Variants in FRMD5 observed in about 807,000 individuals in gnomAD.
FRMD5 encodes the protein FERM domain-containing protein 5.
FRMD5 carries 20 observed loss-of-function variants against 69.0 expected under a neutral mutation model. That is an observed-to-expected ratio of 0.29 (90% CI 0.20 to 0.42). FRMD5 has a LOEUF of 0.42. Ranked by LOEUF, FRMD5 falls within the 10% of genes least tolerant of loss-of-function variation. The probability of loss-of-function intolerance (pLI) is 1.00; values close to 1 mark genes in which losing one functional copy is unlikely to be tolerated. For synonymous variants in FRMD5, 271 were observed against 260.1 expected (o/e 1.04, Z -0.40); for missense variants, 595 against 708.6 (o/e 0.84, Z 1.82).
At chr15:43,961,854 AC>A (rs1386914268) in intron 1 of FRMD5, among the ~76,000 whole-genome samples, 5 of 151,572 alleles carry the variant, frequency 3.3e-5, no homozygotes, top group African/African-American at 7.3e-5. Flanking sequence ...AAATTCAACA[AC>A]CCTTCATGCT....
intron 1 of FRMD5, among the ~76,000 whole-genome samples, chr15:44,034,402 TG>T (rs1891819789): frequency 6.6e-6 from 1 of 152,234 alleles, no homozygotes; most frequent in South Asian, 2.1e-4. Context: ...GTAATACCCA[TG>T]TGTTGTCTTT....
intron 1 of FRMD5, among the ~76,000 whole-genome samples, chr15:43,956,594 T>C (rs995029755): frequency 1.3e-5 from 2 of 152,246 alleles, no homozygotes. Flanking sequence ...ATTCAGTCTA[T>C]GACCCTGCTC....
At chr15:44,173,986 G>A (rs750432389) in intron 1 of FRMD5, among the ~76,000 whole-genome samples, 3 of 151,866 alleles carry the variant, frequency 2.0e-5, no homozygotes, top group Non-Finnish European at 4.4e-5. Flanking sequence ...CAGAAGTTAG[G>A]TGACTCATTC....
intron 1 of FRMD5, among the ~76,000 whole-genome samples, chr15:44,095,828 G>A (rs1035526172): frequency 4.6e-5 from 7 of 152,026 alleles, no homozygotes; most frequent in Non-Finnish European, 4.4e-5. Flanking sequence ...GCACTCAAAG[G>A]CATGCCTGAC....
rs150909189 is a variant in FRMD5 at position 43,962,815 on chromosome 15, C to A, written c.103-38506G>T. Reference sequence around the variant, plus strand: ...AAACAAGCAATGGGGAAAGGATTCCCTATTTAATAGATGGTGGTGGGAAAA... The same window carrying A: ...AAACAAGCAATGGGGAAAGGATTCCATATTTAATAGATGGTGGTGGGAAAA... On this transcript the variant is annotated intron_variant, in intron 1 of 13. Transcript: ENST00000417257. 4.5e-3 allele frequency among the ~76,000 whole-genome samples: 687 copies of A among 152,290 alleles called. 8 individuals are homozygous for A. The highest frequency in any genetic ancestry group is 0.016 in the African/African-American group (653 of 41,566).
chr15:44,068,180 G>A (rs1175554457), intron 1 of FRMD5, among the ~76,000 whole-genome samples: 1 of 152,192 alleles, frequency 6.6e-6, no homozygotes, highest in Non-Finnish European at 1.5e-5. Flanking sequence ...GAAACAGTTT[G>A]GCAGTTTCTC....
intron 1 of FRMD5, among the ~76,000 whole-genome samples, chr15:43,950,805 C>T (rs939893596): frequency 1.3e-5 from 2 of 152,152 alleles, no homozygotes; most frequent in African/African-American, 2.4e-5. Context: ...TTTTAATAAC[C>T]GGAGAGGCTG....
Position 43,909,896 on chromosome 15 carries a change from G to A in FRMD5, c.413C>T (p.Ala138Val). ...AAAGTCATTACCTTGAAGGATGTAA[G>A]CTGCTAACAAGGCAGCATCCGATGT... ...CKTSDAALLAAYILQAEIGDY... is the reference protein window; with the variant it reads ...CKTSDAALLAVYILQAEIGDY... Residue 138 changes from alanine (A) to valine (V), a missense_variant, in exon 5 of 14, where the codon GCT becomes GTT. Ala to Val is a moderately conservative substitution (Grantham distance 64). Around this residue, in one of 5 missense-constraint regions of FRMD5, gnomAD observed 79 missense variants for 139.9 expected, o/e 0.56. Coordinates refer to ENST00000417257, the MANE Select transcript of FRMD5 (RefSeq NM_032892.5). 6.2e-7 allele frequency: 1 copy of A among 1,609,882 alleles called. No homozygotes were observed. The highest frequency in any genetic ancestry group is 8.5e-7 in the Non-Finnish European group (1 of 1,176,452).
intron 1 of FRMD5, among the ~76,000 whole-genome samples, chr15:44,109,859 A>C (rs1364732320): frequency 6.6e-6 from 1 of 152,172 alleles, no homozygotes; most frequent in Non-Finnish European, 1.5e-5. Context: ...TACTGTCTCA[A>C]TAGTTTTTCC....
At chr15:43,969,236 C>A (rs948570898) in intron 1 of FRMD5, among the ~76,000 whole-genome samples, 1 of 151,958 alleles carries the variant, frequency 6.6e-6, no homozygotes, top group Admixed American at 6.6e-5. Context: ...CGTACACCAC[C>A]ACATCCATGT....
intron 10 of FRMD5, among the ~76,000 whole-genome samples, chr15:43,886,141 C>T (rs976112899): frequency 6.6e-6 from 1 of 152,186 alleles, no homozygotes; most frequent in African/African-American, 2.4e-5. Flanking sequence ...ATTTCCTTCT[C>T]TCTTAGCCTC....
intron 13 of FRMD5, among the ~76,000 whole-genome samples, chr15:43,880,205 G>A (rs2088485182): frequency 6.6e-6 from 1 of 152,218 alleles, no homozygotes; most frequent in African/African-American, 2.4e-5. Flanking sequence ...GGGTGGCTCT[G>A]AAGTGGGAGG....
In FRMD5 at chr15:43,874,534, G is replaced by T. The variant is rs1324121620; in HGVS notation, c.1136-72C>A. 2.7e-6 allele frequency: 3 copies of T among 1,098,092 alleles called. No homozygotes were observed. In the African/African-American group the frequency reaches 4.6e-5, roughly 17 times the overall value. The allele number at this position is 1,098,092 out of a possible 1,614,324, so 68.0% of individuals were successfully genotyped here. On this transcript the variant is annotated intron_variant, in intron 13 of 13. Coordinates refer to ENST00000417257, the MANE Select transcript of FRMD5 (RefSeq NM_032892.5). ...TTTGCTTTCCAGTAGCACCCATTGT[G>T]TTTTATTGGGTACCATTCTGCACAC...
intron 1 of FRMD5, among the ~76,000 whole-genome samples, chr15:44,188,894 G>T (rs1184370985): frequency 2.6e-5 from 4 of 152,022 alleles, no homozygotes; most frequent in Non-Finnish European, 5.9e-5. Context: ...CTCTAAATAC[G>T]AAGCAGCAGA....
At chr15:44,136,138 G>A (rs910062687) in intron 1 of FRMD5, among the ~76,000 whole-genome samples, 13 of 151,740 alleles carry the variant, frequency 8.6e-5, no homozygotes, top group Non-Finnish European at 1.2e-4. Flanking sequence ...ACCGTCTCCC[G>A]AGTAGCTGGG....
At chr15:44,142,600 T>C (rs982093105) in intron 1 of FRMD5, among the ~76,000 whole-genome samples, 1 of 152,048 alleles carries the variant, frequency 6.6e-6, no homozygotes, top group Non-Finnish European at 1.5e-5. Flanking sequence ...GGCCAGAAAA[T>C]TTCTTTAAAA....
intron 1 of FRMD5, among the ~76,000 whole-genome samples, chr15:44,182,837 C>G (rs996091782): frequency 8.5e-5 from 13 of 152,190 alleles, no homozygotes; most frequent in African/African-American, 3.1e-4. Context: ...GCTCTGTCGC[C>G]CAGGCTAGAG....
chr15:44,076,635 A>C, intron 1 of FRMD5, among the ~76,000 whole-genome samples: 1 of 76,238 alleles, frequency 1.3e-5, no homozygotes, highest in African/African-American at 5.3e-5. Flanking sequence ...GGGTGGGGGG[A>C]GGGGGGAGGG....
chr15:44,107,342 T>C (rs2733226), intron 1 of FRMD5, among the ~76,000 whole-genome samples: 125,504 of 152,148 alleles, frequency 0.82, 54,539 homozygotes, highest in Non-Finnish European at 0.95. Flanking sequence ...AGTAATTCTG[T>C]ACCAACAAAA....
Sources: allele counts gnomAD v4.1 joint callset (sites outside exome capture counted in the v4.1 genomes callset), GRCh38; gene constraint gnomAD v4.1.1; regional missense constraint gnomAD v4.1.1; transcripts MANE v1.5; gene names NCBI Gene and HGNC (gene_info 2026-07-23, HGNC 2026-07-21).